Variants in MACF1 observed in about 807,000 individuals in gnomAD.
The protein encoded by MACF1 is microtubule-actin cross-linking factor 1.
In MACF1, 193 loss-of-function variants were observed where a neutral mutation model predicts 854.8. The observed-to-expected ratio is 0.23, with a 90% CI of 0.20 to 0.25. The LOEUF is 0.25. Ranked by LOEUF, MACF1 falls within the 10% of genes least tolerant of loss-of-function variation. The pLI is 1.00. For missense variants in MACF1, 7,722 were observed against 8,929.1 expected, an observed-to-expected ratio of 0.86 and a Z score of 5.45; for synonymous variants, 3,185 against 3,226.7, an observed-to-expected ratio of 0.99 and a Z score of 0.44.
chr1:39,453,326 A>G (rs947321790), intron 87 of MACF1, among the ~76,000 whole-genome samples: 3 of 152,236 alleles, frequency 2.0e-5, no homozygotes, highest in Non-Finnish European at 2.9e-5. Flanking sequence ...TTTTAAAATC[A>G]TGGTTTTTAC....
rs1644718266 is a variant in MACF1, at chr1:39,468,752, A to G, written c.21889+20A>G. 4 of 1,597,096 alleles carry G rather than the reference A, an allele frequency of 2.5e-6. No homozygotes were observed. The highest frequency in any genetic ancestry group is 1.7e-4 in the Middle Eastern group (1 of 6,020). The stretch of plus-strand genomic sequence containing the variant: ...GCCGAGGTAAGGAACCATTCTAAGC[A>G]TGAATTACGTGTTAGGTATGCCCCC... On this transcript the variant is annotated intron_variant, in intron 96 of 100. Transcript: ENST00000564288.
chr1:39,242,349 CA>C (rs759843162), intron 2 of MACF1, among the ~76,000 whole-genome samples: 303 of 114,504 alleles, frequency 2.6e-3, no homozygotes, highest in Non-Finnish European at 2.0e-3. Flanking sequence ...GACTCTGCCT[CA>C]AAAAAAAAAA....
rs1163826249 is a variant in MACF1 at position 39,247,217 on chromosome 1, C to T, written c.172-2797C>T. ...CCTCCCGTGTAGCTGGGACTACAGG[C>T]GCGCGCCACCATGCCCGGCTAATTT... On this transcript the variant is annotated intron_variant, in intron 2 of 100. Coordinates refer to ENST00000564288, the MANE Select transcript of MACF1 (RefSeq NM_001394062.1). Among the ~76,000 whole-genome samples the T allele has an allele frequency of 1.4e-4, 21 of 149,746 alleles. No individual in the cohort carries two copies. In the East Asian group the frequency reaches 2.4e-3, roughly 17 times the overall value.
At chr1:39,256,577 A>G (rs1645099215) in intron 5 of MACF1, among the ~76,000 whole-genome samples, 1 of 152,126 alleles carries the variant, frequency 6.6e-6, no homozygotes, top group Non-Finnish European at 1.5e-5. Context: ...CTCTGAGGGT[A>G]TGATTGAGGA....
intron 2 of MACF1, among the ~76,000 whole-genome samples, chr1:39,146,160 G>A (rs1290136518): frequency 6.6e-6 from 1 of 152,074 alleles, no homozygotes; most frequent in Non-Finnish European, 1.5e-5. Flanking sequence ...AAGAAAATGT[G>A]GGCCGGGCAC....
chr1:39,486,515 T>C lies in MACF1; in HGVS notation c.*721T>C, dbSNP rs1300161220. ...TTTTAAACTGATTTGTTGCTCCCTA[T>C]CCAGCCTAGACACCAGTAACTCTTG... On this transcript the variant is annotated 3_prime_UTR_variant, in exon 101 of 101. Coordinates refer to ENST00000564288, the MANE Select transcript of MACF1 (RefSeq NM_001394062.1). 1 of 152,636 alleles carries C rather than the reference T, an allele frequency of 6.6e-6. No individual in the cohort carries two copies. Among genetic ancestry groups the C allele is most frequent in the Admixed American group, 6.5e-5 (1 of 15,282 alleles). The allele number at this position is 152,636 out of a possible 1,614,324, so 9.5% of individuals were successfully genotyped here.
chr1:39,268,838 C>A (rs1456974723), intron 6 of MACF1: 5 of 1,289,592 alleles, frequency 3.9e-6, no homozygotes, highest in Non-Finnish European at 5.1e-6. Flanking sequence ...AGGCATCTCA[C>A]CAGGAAGAAA....
intron 94 of MACF1, chr1:39,464,283 C>T (rs377269570): frequency 4.6e-5 from 7 of 152,848 alleles, no homozygotes; most frequent in African/African-American, 1.7e-4. Flanking sequence ...AATATATCAA[C>T]AGCTCGTCAA....
intron 5 of MACF1, chr1:39,254,648 G>T: frequency 2.8e-6 from 1 of 363,250 alleles, no homozygotes; most frequent in Non-Finnish European, 5.0e-6. Flanking sequence ...CTTAGGTGGG[G>T]GTCAAAATGA....
chr1:39,350,722 C>T, intron 42 of MACF1, 63 bp from the exon 43 acceptor site: 1 of 1,175,134 alleles, frequency 8.5e-7, no homozygotes. Flanking sequence ...CATCTTTATA[C>T]CATTAGAGGA....
chr1:39,280,220 ATT>A (rs1645516849), intron 6 of MACF1, among the ~76,000 whole-genome samples: 1 of 152,086 alleles, frequency 6.6e-6, no homozygotes, highest in Non-Finnish European at 1.5e-5. Context: ...TTATTTGCTT[ATT>A]TTTATTATTT....
chr1:39,385,358 G>T, intron 56 of MACF1, 76 bp from the exon 57 acceptor site: 18 of 1,513,576 alleles, frequency 1.2e-5, no homozygotes, highest in Middle Eastern at 2.0e-4. Context: ...ATGAGCCACT[G>T]TGCCTGGCCT....
chr1:39,173,853 C>G (rs1243919041), intron 2 of MACF1, among the ~76,000 whole-genome samples: 4 of 152,170 alleles, frequency 2.6e-5, no homozygotes, highest in Admixed American at 1.3e-4. Context: ...AATAACTAGT[C>G]TGTCTGTGGA....
chr1:39,306,764 T>G (rs1229770180), intron 23 of MACF1, among the ~76,000 whole-genome samples: 1 of 151,842 alleles, frequency 6.6e-6, no homozygotes, highest in African/African-American at 2.4e-5. Flanking sequence ...AATGCCTTAC[T>G]GAAAAAGGCT....
At chr1:39,430,310 T>G (rs1284540410) in intron 65 of MACF1, among the ~76,000 whole-genome samples, 1 of 151,974 alleles carries the variant, frequency 6.6e-6, no homozygotes, top group Non-Finnish European at 1.5e-5. Context: ...TAAAGAGTGC[T>G]TCATGGTTTT....
intron 44 of MACF1, among the ~76,000 whole-genome samples, chr1:39,355,560 G>A (rs370934273): frequency 4.5e-4 from 62 of 137,246 alleles, no homozygotes; most frequent in African/African-American, 1.4e-3. Flanking sequence ...TCTGCCTCCC[G>A]GGTTCAAGCC....
rs1318366267 is a variant in MACF1 at position 39,486,977 on chromosome 1, A to G, written c.*1183A>G. On this transcript the variant is annotated 3_prime_UTR_variant, in exon 101 of 101. Transcript: ENST00000564288. ...ACACTTTTGTATTAAAATTGCTTGC[A>G]GTAACAAATATTTTGTATTTCCTGA... 1 of 152,640 alleles carries G rather than the reference A, an allele frequency of 6.6e-6. No individual in the cohort carries two copies. The allele number at this position is 152,640 out of a possible 1,614,324, so 9.5% of individuals were successfully genotyped here.
rs571803245 is a variant in MACF1, at chr1:39,295,163, A to G, written c.2259+13A>G. On this transcript the variant is annotated intron_variant, in intron 19 of 100. Transcript: ENST00000564288. ...GCAGACAGTGGAGGTGTGTGACTTG[A>G]GAATGTGTGAAGGTCAAATGCTGAG... The G allele has an allele frequency of 1.3e-4, 209 of 1,601,878 alleles. No individual in the cohort carries two copies. The highest frequency in any genetic ancestry group is 1.7e-4 in the Middle Eastern group (1 of 6,024).
chr1:39,163,340 C>CAAAAAAAAAAAA (rs11371076), intron 2 of MACF1, among the ~76,000 whole-genome samples: 9 of 80,244 alleles, frequency 1.1e-4, no homozygotes, highest in South Asian at 4.9e-4. Flanking sequence ...AAGACTGTCT[C>CAAAAAAAAAAAA]AAAAAAAAAA....
Sources: gnomAD v4.1 joint callset for allele counts (sites outside exome capture counted in the v4.1 genomes callset) on GRCh38, gnomAD v4.1.1 for gene constraint, MANE v1.5 for transcripts, NCBI Gene and HGNC (gene_info 2026-07-23, HGNC 2026-07-21) for gene names.